VAV3: variants seen among roughly 807,000 people sequenced by gnomAD.
The protein encoded by VAV3 is vav guanine nucleotide exchange factor 3, also known as guanine nucleotide exchange factor VAV3.
VAV3 carries 94 observed loss-of-function variants against 131.2 expected under a neutral mutation model. The observed-to-expected ratio is 0.72, with a 90% CI of 0.61 to 0.85. VAV3 has a LOEUF of 0.85. Ranked by LOEUF, VAV3 falls within the 40% of genes least tolerant of loss-of-function variation. The probability of loss-of-function intolerance (pLI) is 0.00; values close to 1 mark genes in which losing one functional copy is unlikely to be tolerated. For missense variants in VAV3, 939 were observed against 1,002.7 expected, an observed-to-expected ratio of 0.94 and a Z score of 0.86; for synonymous variants, 349 against 342.0, an observed-to-expected ratio of 1.02 and a Z score of -0.22.
At chr1:107,630,098 G>A (rs1414840236) in intron 20 of VAV3, among the ~76,000 whole-genome samples, 3 of 152,052 alleles carry the variant, frequency 2.0e-5, no homozygotes, top group African/African-American at 7.2e-5. Context: ...TTTATCTATA[G>A]GTTTAACGCT....
intron 18 of VAV3, among the ~76,000 whole-genome samples, chr1:107,687,678 T>C (rs901679317): frequency 1.3e-5 from 2 of 152,168 alleles, no homozygotes; most frequent in Non-Finnish European, 2.9e-5. Context: ...GGGAACTCTA[T>C]ATAAACAACA....
intron 19 of VAV3, among the ~76,000 whole-genome samples, chr1:107,656,857 C>T (rs12077977): frequency 0.051 from 7,801 of 151,816 alleles, 605 homozygotes; most frequent in African/African-American, 0.17. Flanking sequence ...AAACATTACT[C>T]CTGCATATAA....
At chr1:107,749,868 A>G (rs1663599894) in intron 13 of VAV3, among the ~76,000 whole-genome samples, 2 of 152,328 alleles carry the variant, frequency 1.3e-5, no homozygotes, top group South Asian at 2.1e-4. Context: ...AGTTGTTGAA[A>G]GGGCCAAGTG....
In VAV3 at chr1:107,872,397, T is replaced by G. The variant is rs376744064; in HGVS notation, c.321+2504A>C. 3.3e-4 allele frequency among the ~76,000 whole-genome samples: 51 copies of G among 152,274 alleles called. 2 individuals are homozygous for G. In the South Asian group the frequency reaches 0.01, roughly 31 times the overall value. ...ATTCCAGATTCACCAATGTAGGAAA[T>G]GAGGCAGACAGGAGAGCACACATAG... On this transcript the variant is annotated intron_variant, in intron 2 of 26. Coordinates refer to ENST00000370056, the MANE Select transcript of VAV3 (RefSeq NM_006113.5).
intron 19 of VAV3, among the ~76,000 whole-genome samples, chr1:107,645,432 T>C (rs1255573619): frequency 6.6e-6 from 1 of 151,962 alleles, no homozygotes; most frequent in Admixed American, 6.6e-5. Flanking sequence ...GATCAAAGGA[T>C]AAAAGGAATG....
At position 107,665,914 on chromosome 1, in the gene VAV3, T is replaced by C. The variant is rs72975665; in HGVS notation, c.1777+17574A>G. Among the ~76,000 whole-genome samples, 530 of 152,256 alleles carry C rather than the reference T, an allele frequency of 3.5e-3. 4 individuals are homozygous for C. Among genetic ancestry groups the C allele is most frequent in the African/African-American group, 0.012 (501 of 41,530 alleles). ...GCATAAAGAAACAAACGGTGAAGGA[T>C]ATTATCTGTAAATGCAACTGTTGAA... On this transcript the variant is annotated intron_variant, in intron 19 of 26. Transcript: ENST00000370056.
chr1:107,832,110 G>A (rs1668277723), intron 2 of VAV3, among the ~76,000 whole-genome samples: 1 of 152,212 alleles, frequency 6.6e-6, no homozygotes, highest in Admixed American at 6.5e-5. Flanking sequence ...AGTAACCATG[G>A]AAGTGGCAGT....
In VAV3 at chr1:107,737,515, A is replaced by G. The variant is rs1662729477; in HGVS notation, c.1502+11453T>C. Among the ~76,000 whole-genome samples, 5 of 152,230 alleles carry G rather than the reference A, an allele frequency of 3.3e-5. No individual in the cohort carries two copies. The South Asian group carries it at 8.3e-4, about 25-fold the overall frequency. On this transcript the variant is annotated intron_variant, in intron 15 of 26. Transcript: ENST00000370056. The stretch of plus-strand genomic sequence containing the variant: ...AACTCAAACAAATTTACAAGAAAAA[A>G]TCAAACAACCCATCAAAAAGTAGGC...
intron 17 of VAV3, 133 bp from the exon 18 acceptor site, chr1:107,688,539 G>C (rs538996351): frequency 5.2e-6 from 8 of 1,533,742 alleles, no homozygotes; most frequent in African/African-American, 1.4e-5. Context: ...ATATTTCCAC[G>C]GTCCCTCAGG....
At chr1:107,641,242 G>A (rs966142605) in intron 20 of VAV3, among the ~76,000 whole-genome samples, 4 of 152,138 alleles carry the variant, frequency 2.6e-5, no homozygotes, top group African/African-American at 9.7e-5. Flanking sequence ...ATAACAAGAT[G>A]ACAGACAATA....
At chr1:107,610,746 AT>A (rs1253480904) in intron 21 of VAV3, among the ~76,000 whole-genome samples, 1 of 152,236 alleles carries the variant, frequency 6.6e-6, no homozygotes, top group Non-Finnish European at 1.5e-5. Flanking sequence ...AAGCAGGTAT[AT>A]TAATGTTAAA....
intron 2 of VAV3, among the ~76,000 whole-genome samples, chr1:107,802,014 T>C (rs1468335276): frequency 6.6e-6 from 1 of 152,110 alleles, no homozygotes; most frequent in Non-Finnish European, 1.5e-5. Context: ...GTTACATAGG[T>C]ATACATGTGC....
chr1:107,861,939 A>G (rs896114017), intron 2 of VAV3, among the ~76,000 whole-genome samples: 1 of 151,674 alleles, frequency 6.6e-6, no homozygotes, highest in African/African-American at 2.4e-5. Context: ...GTGTTCTGAA[A>G]GATTTAAAAA....
intron 15 of VAV3, among the ~76,000 whole-genome samples, chr1:107,744,715 T>C (rs1399454891): frequency 6.6e-6 from 1 of 152,220 alleles, no homozygotes; most frequent in Non-Finnish European, 1.5e-5. Flanking sequence ...CTGGGACATT[T>C]AAGAAAACTG....
chr1:107,632,223 A>G (rs1654555872), intron 20 of VAV3, among the ~76,000 whole-genome samples: 2 of 152,170 alleles, frequency 1.3e-5, no homozygotes, highest in Non-Finnish European at 2.9e-5. Context: ...AATGGCTCAC[A>G]TTAGATTCAT....
chr1:107,928,517 C>G (rs1235189194), intron 1 of VAV3, among the ~76,000 whole-genome samples: 11 of 152,070 alleles, frequency 7.2e-5, no homozygotes, highest in Non-Finnish European at 1.0e-4. Context: ...CAAGATAACA[C>G]AAAGAAGGAA....
intron 24 of VAV3, among the ~76,000 whole-genome samples, chr1:107,601,776 AT>A (rs922615071): frequency 1.5e-5 from 2 of 131,452 alleles, no homozygotes; most frequent in South Asian, 2.3e-4. Flanking sequence ...AATAAGTTCT[AT>A]TTTTTTTAAA....
intron 1 of VAV3, among the ~76,000 whole-genome samples, chr1:107,954,793 C>T (rs1674728842): frequency 6.7e-6 from 1 of 149,942 alleles, no homozygotes; most frequent in Admixed American, 6.6e-5. Context: ...TTGCAGTCCT[C>T]ATCGCAGTTC....
intron 2 of VAV3, among the ~76,000 whole-genome samples, chr1:107,863,549 A>G (rs776588993): frequency 6.6e-6 from 1 of 152,222 alleles, no homozygotes; most frequent in African/African-American, 2.4e-5. Context: ...CTGGACCTCA[A>G]GATCCAGCTT....
Sources: gnomAD v4.1 joint callset for allele counts (sites outside exome capture counted in the v4.1 genomes callset) on GRCh38, gnomAD v4.1.1 for gene constraint, MANE v1.5 for transcripts, NCBI Gene and HGNC (gene_info 2026-07-23, HGNC 2026-07-21) for gene names.